The following ATP7B variants were observed in gnomAD, a reference collection of about 807,000 sequenced individuals.
ATP7B encodes the protein copper-transporting ATPase 2.
A neutral mutation model predicts 118.9 loss-of-function variants in ATP7B; 113 were observed. That is an observed-to-expected ratio of 0.95 (90% CI 0.82 to 1.11). ATP7B has a LOEUF of 1.11. Ranked by LOEUF, ATP7B falls within the 50% of genes most tolerant of loss-of-function variation. ATP7B has a pLI of 0.00. For missense variants in ATP7B, 1,867 were observed against 1,871.4 expected, an observed-to-expected ratio of 1.00 and a Z score of 0.04; for synonymous variants, 777 against 727.4, an observed-to-expected ratio of 1.07 and a Z score of -1.10.
At chr13:51,946,540 A>C in intron 12 of ATP7B, 62 bp from the exon 13 acceptor site, 3 of 1,578,816 alleles carry the variant, frequency 1.9e-6, no homozygotes, top group African/African-American at 1.3e-5. Flanking sequence ...CCAGAACTCT[A>C]ATCACATAAG....
At chr13:52,011,908 G>A (rs942155377), upstream of ATP7B, 1 of 265,564 alleles carries the variant, frequency 3.8e-6, no homozygotes, top group Non-Finnish European at 7.4e-6. Context: ...GAAGGTGCCC[G>A]GCGGCGCCGC....
In ATP7B at chr13:51,970,613, G is replaced by C; in HGVS notation, c.1422C>G (p.Ile474Met). The change falls in exon 3 of 21, where the codon ATC (isoleucine) becomes ATG (methionine). Residue 474 changes from isoleucine (I) to methionine (M), a missense_variant. Coordinates refer to ENST00000242839, the MANE Select transcript of ATP7B (RefSeq NM_000053.4). ...TGGTTGATTGTGGGGACTTTGCCAA[G>C]ATGTCCGGGGCATGGTTTGCAGGGA... ...GRLPANHAPD[I>M]LAKSPQSTRA... 6.2e-7 allele frequency: 1 copy of C among 1,614,164 alleles called. No homozygotes were observed. Among genetic ancestry groups the C allele is most frequent in the Non-Finnish European group, 8.5e-7 (1 of 1,180,026 alleles).
intron 1 of ATP7B, among the ~76,000 whole-genome samples, chr13:51,999,800 C>G (rs974526163): frequency 2.6e-5 from 4 of 152,208 alleles, no homozygotes; most frequent in Non-Finnish European, 5.9e-5. Flanking sequence ...GTGCTGCCAC[C>G]TGGCAGTCCA....
chr13:51,966,675 TAC>T, intron 4 of ATP7B: 1 of 1,316,098 alleles, frequency 7.6e-7, no homozygotes, highest in Admixed American at 2.0e-5. Context: ...AAAAGAACAC[TAC>T]AGACACAGCA....
chr13:51,957,640 A>G (rs1346876747), intron 8 of ATP7B, 33 bp from the exon 9 acceptor site: 3 of 1,602,290 alleles, frequency 1.9e-6, no homozygotes, highest in African/African-American at 1.3e-5. Context: ...AATGAGAGCT[A>G]TCGAAAGCAG....
chr13:52,005,915 G>A (rs1001057070), intron 1 of ATP7B, among the ~76,000 whole-genome samples: 7 of 152,318 alleles, frequency 4.6e-5, no homozygotes, highest in Non-Finnish European at 8.8e-5. Context: ...CATGATGGCC[G>A]TAACGCCCAC....
chr13:51,945,339 C>T (rs1032529880), intron 13 of ATP7B, among the ~76,000 whole-genome samples: 1 of 152,210 alleles, frequency 6.6e-6, no homozygotes, highest in Non-Finnish European at 1.5e-5. Flanking sequence ...TCCTCATTTG[C>T]TCATTCAACA....
In ATP7B at chr13:51,937,405, G is replaced by A. The variant is rs1957033312; in HGVS notation, c.3904-12C>T. On this transcript the variant is annotated splice_polypyrimidine_tract_variant and intron_variant, in intron 18 of 20. Coordinates refer to ENST00000242839, the MANE Select transcript of ATP7B (RefSeq NM_000053.4). ...TCCAGCAAATCATTCTGATGGAGAG[G>A]AGCACACAGTGAGGAAGGGGTCTGC... 1 of 1,614,210 alleles carries A rather than the reference G, an allele frequency of 6.2e-7. No homozygotes were observed. Among genetic ancestry groups the A allele is most frequent in the Non-Finnish European group, 8.5e-7 (1 of 1,180,028 alleles).
At position 51,936,461 on chromosome 13, in the gene ATP7B, G is replaced by A. The variant is rs539026295; in HGVS notation, c.4022-766C>T. 2.5e-3 allele frequency among the ~76,000 whole-genome samples: 375 copies of A among 151,710 alleles called. 2 individuals are homozygous for A. The highest frequency in any genetic ancestry group is 6.4e-3 in the African/African-American group (263 of 41,262). On this transcript the variant is annotated intron_variant, in intron 19 of 20. Coordinates refer to ENST00000242839, the MANE Select transcript of ATP7B (RefSeq NM_000053.4). The stretch of plus-strand genomic sequence containing the variant: ...GGGCAGGGGGCAGGGAGCAGGGGGC[G>A]GGGGAGAGATGGTTCTTAAGGAGGG...
At chr13:51,954,354 G>T (rs1013437818) in intron 9 of ATP7B, among the ~76,000 whole-genome samples, 1 of 152,242 alleles carries the variant, frequency 6.6e-6, no homozygotes, top group Non-Finnish European at 1.5e-5. Flanking sequence ...TGATCCTAAG[G>T]ACAGCATGCA....
chr13:51,960,936 A>G (rs1461807956), intron 6 of ATP7B, among the ~76,000 whole-genome samples: 2 of 151,992 alleles, frequency 1.3e-5, no homozygotes, highest in Non-Finnish European at 2.9e-5. Context: ...CTAAAACATG[A>G]CATGAAAACC....
rs760990530 is a variant in ATP7B at position 51,974,893 on chromosome 13, C to T, written c.327G>A (p.Leu109=). 9 of 1,614,116 alleles carry T rather than the reference C, an allele frequency of 5.6e-6. No homozygotes were observed. Among genetic ancestry groups the T allele is most frequent in the African/African-American group, 1.3e-5 (1 of 74,950 alleles). Residue 109 remains leucine, a synonymous_variant, in exon 2 of 21, where the codon CTG becomes CTA. Transcript: ENST00000242839. ...TVKYVPSVVC[L]QQVCHQIGDM... ...CCCCAATTTGATGGCAAACCTGTTG[C>T]AGGCACACAACCGATGGCACATATT...
chr13:51,950,692 G>C (rs1185950953), intron 9 of ATP7B, among the ~76,000 whole-genome samples: 1 of 152,110 alleles, frequency 6.6e-6, no homozygotes, highest in Admixed American at 6.6e-5. Context: ...ATATTAATAA[G>C]TGCTGTGATG....
chr13:51,950,331 A>G lies in ATP7B; in HGVS notation c.2516T>C (p.Phe839Ser). 1 of 1,614,114 alleles carries G rather than the reference A, an allele frequency of 6.2e-7. No homozygotes were observed. The highest frequency in any genetic ancestry group is 1.3e-5 in the African/African-American group (1 of 75,022). Reference sequence around the variant, plus strand: ...TTCCAGGACTTTCCCATCCACTGGAAACTTTCCCCCAGGGACCACCTTGAC... The same window carrying G: ...TTCCAGGACTTTCCCATCCACTGGAGACTTTCCCCCAGGGACCACCTTGAC... ...DIVKVVPGGKFPVDGKVLEGN... is the reference protein window; with the variant it reads ...DIVKVVPGGKSPVDGKVLEGN... The change falls in exon 10 of 21, where the codon TTT becomes TCT. Residue 839 changes from phenylalanine (F) to serine (S), a missense_variant. Transcript: ENST00000242839.
chr13:51,993,189 T>A (rs1953012937), intron 1 of ATP7B, among the ~76,000 whole-genome samples: 1 of 152,134 alleles, frequency 6.6e-6, no homozygotes, highest in South Asian at 2.1e-4. Flanking sequence ...CTGCTTTTTC[T>A]TTATACTTTT....
At chr13:51,952,197 G>A (rs1958051208) in intron 9 of ATP7B, among the ~76,000 whole-genome samples, 1 of 152,200 alleles carries the variant, frequency 6.6e-6, no homozygotes, top group African/African-American at 2.4e-5. Flanking sequence ...GGGGGGAGAG[G>A]AGAAGACGGC....
intron 1 of ATP7B, among the ~76,000 whole-genome samples, chr13:52,008,639 C>G (rs1224082707): frequency 2.0e-5 from 3 of 152,154 alleles, no homozygotes; most frequent in African/African-American, 4.8e-5. Flanking sequence ...TTAAGAAGCT[C>G]TATGTCAGGA....
intron 16 of ATP7B, among the ~76,000 whole-genome samples, chr13:51,940,188 T>C (rs1314234175): frequency 6.7e-6 from 1 of 150,118 alleles, no homozygotes; most frequent in Non-Finnish European, 1.5e-5. Context: ...AATTTTTTTA[T>C]TTTTAGTAGA....
chr13:51,999,638 G>A lies in ATP7B; in HGVS notation c.51+11649C>T, dbSNP rs533554782. 3.3e-5 allele frequency among the ~76,000 whole-genome samples: 5 copies of A among 152,184 alleles called. No homozygotes were observed. The East Asian group carries it at 9.7e-4, about 29-fold the overall frequency. ...ACTTCGCTGGCTGCCCTCATCATCT[G>A]GCACCTTCCTGCAAAACTCCAACAC... On this transcript the variant is annotated intron_variant, in intron 1 of 20. Transcript: ENST00000242839.
Sources: gnomAD v4.1 joint callset for allele counts (sites outside exome capture counted in the v4.1 genomes callset) on GRCh38, gnomAD v4.1.1 for gene constraint, MANE v1.5 for transcripts, NCBI Gene and HGNC (gene_info 2026-07-23, HGNC 2026-07-21) for gene names.